EYS: variants seen among roughly 807,000 people sequenced by gnomAD.
EYS encodes EGF-like photoreceptor maintenance factor, also known as protein eyes shut homolog.
A neutral mutation model predicts 282.1 loss-of-function variants in EYS; 250 were observed. The ratio of observed to expected loss-of-function variants is 0.89; its 90% CI spans 0.80 to 0.98. The LOEUF is 0.98. Ranked by LOEUF, EYS falls within the 50% of genes least tolerant of loss-of-function variation. The pLI, the probability that EYS is intolerant of heterozygous loss-of-function variation, is 0.00. For missense variants in EYS, 4,016 were observed against 3,709.0 expected, an observed-to-expected ratio of 1.08 and a Z score of -2.15; for synonymous variants, 1,355 against 1,282.9, an observed-to-expected ratio of 1.06 and a Z score of -1.20.
chr6:65,009,964 C>A (rs1444241759), intron 13 of EYS, among the ~76,000 whole-genome samples: 1 of 152,128 alleles, frequency 6.6e-6, no homozygotes, highest in Non-Finnish European at 1.5e-5. Context: ...GCAAAATAGC[C>A]AGACCATTAT....
intron 31 of EYS, among the ~76,000 whole-genome samples, chr6:64,151,337 AT>A (rs1774714497): frequency 1.8e-5 from 2 of 114,018 alleles, no homozygotes; most frequent in Admixed American, 1.7e-4. Flanking sequence ...ATATATATAT[AT>A]ATATATATAT....
At chr6:65,203,483 A>G (rs1765953472) in intron 12 of EYS, among the ~76,000 whole-genome samples, 1 of 152,176 alleles carries the variant, frequency 6.6e-6, no homozygotes, top group Non-Finnish European at 1.5e-5. Context: ...ATCTATAACC[A>G]AGGAATTTAT....
intron 31 of EYS, among the ~76,000 whole-genome samples, chr6:64,225,464 C>A (rs902185982): frequency 5.3e-5 from 8 of 151,832 alleles, no homozygotes; most frequent in African/African-American, 1.9e-4. Flanking sequence ...TCACAAGCAT[C>A]CTTAAGTGTA....
chr6:65,676,588 G>C (rs2130490), intron 1 of EYS, among the ~76,000 whole-genome samples: 1 of 151,718 alleles, frequency 6.6e-6, no homozygotes, highest in Non-Finnish European at 1.5e-5. Context: ...CAGAAATAAA[G>C]TCTAGGACTA....
intron 31 of EYS, among the ~76,000 whole-genome samples, chr6:64,218,854 A>G (rs1266774060): frequency 1.3e-5 from 2 of 152,156 alleles, no homozygotes; most frequent in East Asian, 3.9e-4. Flanking sequence ...GATGCCTGAG[A>G]TTTTCTGGGA....
At chr6:64,979,520 C>T (rs1177822001) in intron 14 of EYS, among the ~76,000 whole-genome samples, 3 of 151,604 alleles carry the variant, frequency 2.0e-5, no homozygotes, top group African/African-American at 7.3e-5. Flanking sequence ...CTTTGCACTA[C>T]TTTTCTTTGT....
At chr6:65,618,998 C>T (rs1432760568) in intron 2 of EYS, among the ~76,000 whole-genome samples, 2 of 152,150 alleles carry the variant, frequency 1.3e-5, no homozygotes, top group Admixed American at 1.3e-4. Context: ...ATGCCTCCAG[C>T]TTTTTTCTTT....
At chr6:65,043,357 T>C (rs1039120469) in intron 13 of EYS, among the ~76,000 whole-genome samples, 2 of 151,484 alleles carry the variant, frequency 1.3e-5, no homozygotes, top group African/African-American at 4.8e-5. Context: ...ATGAAGTAAA[T>C]GGGACTATAC....
chr6:64,815,892 C>A (rs1039325113), intron 21 of EYS, among the ~76,000 whole-genome samples: 4 of 151,972 alleles, frequency 2.6e-5, no homozygotes, highest in Non-Finnish European at 5.9e-5. Flanking sequence ...AATTCTTAGA[C>A]AGGGCAAAGT....
chr6:64,847,165 G>A (rs1391083313), intron 19 of EYS, among the ~76,000 whole-genome samples: 6 of 151,972 alleles, frequency 3.9e-5, no homozygotes, highest in African/African-American at 1.4e-4. Context: ...GGCTGTTCTG[G>A]TCTAGGCTTC....
chr6:65,385,638 A>G lies in EYS; in HGVS notation c.1185-1138T>C, dbSNP rs1765770862. On this transcript the variant is annotated intron_variant, in intron 7 of 42. Transcript: ENST00000503581. Reference sequence around the variant, plus strand: ...ATGAGGAAACATACCCATGGAAATTACATTAGTTGCTTTGGCCATATTACT... The same window carrying G: ...ATGAGGAAACATACCCATGGAAATTGCATTAGTTGCTTTGGCCATATTACT... Among the ~76,000 whole-genome samples the G allele has an allele frequency of 2.0e-5, 3 of 151,968 alleles. No homozygotes were observed. The Admixed American group carries it at 2.0e-4, about 10-fold the overall frequency.
At chr6:64,664,235 G>A (rs1490172685) in intron 22 of EYS, among the ~76,000 whole-genome samples, 2 of 152,174 alleles carry the variant, frequency 1.3e-5, no homozygotes, top group Non-Finnish European at 2.9e-5. Context: ...CTTAATGGCT[G>A]GGGTTTATAT....
intron 12 of EYS, among the ~76,000 whole-genome samples, chr6:65,250,235 T>C (rs1258978997): frequency 1.3e-5 from 2 of 152,054 alleles, no homozygotes; most frequent in Non-Finnish European, 2.9e-5. Flanking sequence ...ATTATATGCA[T>C]GATGAAGTCT....
intron 2 of EYS, among the ~76,000 whole-genome samples, chr6:65,624,887 T>C (rs1413361423): frequency 6.6e-6 from 1 of 152,182 alleles, no homozygotes; most frequent in East Asian, 1.9e-4. Flanking sequence ...GCTTCCTTGC[T>C]CCTCAGCTTT....
chr6:64,125,643 G>A (rs1482835384), intron 31 of EYS, among the ~76,000 whole-genome samples: 2 of 151,806 alleles, frequency 1.3e-5, no homozygotes, highest in South Asian at 2.1e-4. Flanking sequence ...AAAATTAGCC[G>A]GGCGTGGTGG....
intron 29 of EYS, among the ~76,000 whole-genome samples, chr6:64,350,625 G>A (rs1333574817): frequency 6.6e-6 from 1 of 151,600 alleles, no homozygotes; most frequent in Non-Finnish European, 1.5e-5. Context: ...CAAGGAAATA[G>A]TTGAAAGGAG....
intron 33 of EYS, among the ~76,000 whole-genome samples, chr6:64,011,929 C>T (rs1768652935): frequency 6.6e-6 from 1 of 152,126 alleles, no homozygotes; most frequent in Admixed American, 6.5e-5. Flanking sequence ...AATTACCCAA[C>T]AATAACACTG....
rs1765565162 is a variant in EYS at position 64,204,699 on chromosome 6, A to G, written c.6424+25893T>C. On this transcript the variant is annotated intron_variant, in intron 31 of 42. Transcript: ENST00000503581. Reference sequence around the variant, plus strand: ...TGGATGCTTCTGGAATTTCTGGGGAAGGGATTCATTATGAACAAGCACAAG... The same window carrying G: ...TGGATGCTTCTGGAATTTCTGGGGAGGGGATTCATTATGAACAAGCACAAG... Among the ~76,000 whole-genome samples, 4 of 152,182 alleles carry G rather than the reference A, an allele frequency of 2.6e-5. No individual in the cohort carries two copies. The South Asian group carries it at 8.3e-4, about 31-fold the overall frequency.
intron 30 of EYS, among the ~76,000 whole-genome samples, chr6:64,250,801 T>G (rs912144495): frequency 6.6e-6 from 1 of 152,208 alleles, no homozygotes; most frequent in Non-Finnish European, 1.5e-5. Flanking sequence ...TTAATTTCCA[T>G]GTGAGTTCTA....
Sources: gnomAD v4.1 joint callset for allele counts (sites outside exome capture counted in the v4.1 genomes callset) on GRCh38, gnomAD v4.1.1 for gene constraint, MANE v1.5 for transcripts, NCBI Gene and HGNC (gene_info 2026-07-23, HGNC 2026-07-21) for gene names.